Variants in MALRD1 observed in about 807,000 individuals in gnomAD.
The protein encoded by MALRD1 is MAM and LDL receptor class A domain containing 1.
MALRD1 carries 247 observed loss-of-function variants against 242.1 expected under a neutral mutation model. The observed-to-expected ratio is 1.02, with a 90% confidence interval of 0.92 to 1.13. The LOEUF (loss-of-function observed/expected upper bound fraction) is 1.13, where lower values mean the gene tolerates loss of function less well. Among genes scored for constraint, MALRD1 ranks in the 50% most tolerant of loss-of-function variants. The pLI is 0.00. For missense variants in MALRD1, 2,989 were observed against 2,533.1 expected (o/e 1.18, Z -3.86); for synonymous variants, 995 against 866.6 (o/e 1.15, Z -2.60).
intron 14 of MALRD1, among the ~76,000 whole-genome samples, chr10:19,185,337 T>C (rs1390759021): frequency 1.3e-5 from 2 of 152,156 alleles, no homozygotes; most frequent in Non-Finnish European, 2.9e-5. Flanking sequence ...GTCTAAAACC[T>C]ATTTAGTCCA....
intron 32 of MALRD1, among the ~76,000 whole-genome samples, chr10:19,536,020 C>T (rs1342290512): frequency 6.6e-6 from 1 of 152,188 alleles, no homozygotes; most frequent in Non-Finnish European, 1.5e-5. Flanking sequence ...AAATTGTAGA[C>T]TGTGGGAGTA....
At chr10:19,502,407 A>G (rs1028524009) in intron 31 of MALRD1, among the ~76,000 whole-genome samples, 1 of 152,148 alleles carries the variant, frequency 6.6e-6, no homozygotes, top group African/African-American at 2.4e-5. Flanking sequence ...TGATTCTGTA[A>G]TTCTAAAAAT....
At chr10:19,106,508 A>G (rs1292752404) in intron 5 of MALRD1, among the ~76,000 whole-genome samples, 1 of 151,048 alleles carries the variant, frequency 6.6e-6, no homozygotes, top group Admixed American at 6.6e-5. Flanking sequence ...CTCTCATTTT[A>G]TTTGAATCTT....
rs74118859 is a variant in MALRD1 at position 19,202,509 on chromosome 10, A to G, written c.1952-1219A>G. 9.6e-3 allele frequency among the ~76,000 whole-genome samples: 1,464 copies of G among 152,222 alleles called. 26 individuals carry two copies. Among genetic ancestry groups the G allele is most frequent in the African/African-American group, 0.033 (1,381 of 41,532 alleles). ...CTTACAATTAGGTTAAATTCCCTAT[A>G]ATTTTATTATTACATTAAAATGCCC... On this transcript the variant is annotated intron_variant, in intron 14 of 39. Coordinates refer to ENST00000454679, the MANE Select transcript of MALRD1 (RefSeq NM_001142308.3).
At chr10:19,532,712 A>G (rs1416722758) in intron 32 of MALRD1, among the ~76,000 whole-genome samples, 2 of 144,170 alleles carry the variant, frequency 1.4e-5, no homozygotes, top group East Asian at 4.2e-4. Flanking sequence ...AAAAATCTAA[A>G]CATGCAAAGA....
At chr10:19,051,274 A>T (rs891836369) in intron 1 of MALRD1, among the ~76,000 whole-genome samples, 1 of 148,610 alleles carries the variant, frequency 6.7e-6, no homozygotes, top group African/African-American at 2.4e-5. Flanking sequence ...CTTTATAAGG[A>T]TTTACAGTAG....
chr10:19,590,682 T>C (rs759247395), intron 33 of MALRD1, among the ~76,000 whole-genome samples: 4 of 152,158 alleles, frequency 2.6e-5, no homozygotes, highest in Non-Finnish European at 4.4e-5. Context: ...ATAGCAAAAT[T>C]AATACGTGTA....
At chr10:19,426,758 G>A (rs1372010715) in intron 28 of MALRD1, among the ~76,000 whole-genome samples, 5 of 152,150 alleles carry the variant, frequency 3.3e-5, no homozygotes, top group Admixed American at 2.6e-4. Context: ...AGCCGAGATC[G>A]TGCCACTGCA....
chr10:19,338,295 A>T (rs969331628), intron 24 of MALRD1, among the ~76,000 whole-genome samples: 1 of 152,046 alleles, frequency 6.6e-6, no homozygotes, highest in Non-Finnish European at 1.5e-5. Flanking sequence ...GAGTCGTTTC[A>T]TTGCCCTAAA....
chr10:19,116,915 C>T (rs1211484877), intron 5 of MALRD1, among the ~76,000 whole-genome samples: 1 of 151,730 alleles, frequency 6.6e-6, no homozygotes. Context: ...GCCAACATGA[C>T]GAAACCCTAT....
At chr10:19,331,249 AAAAAC>A (rs887971629) in intron 23 of MALRD1, 115 bp from the exon 24 acceptor site, 1 of 914,468 alleles carries the variant, frequency 1.1e-6, no homozygotes. Context: ...AAACAAAAAC[AAAAAC>A]AAAAAAACAA....
chr10:19,664,462 A>G (rs1216351942), intron 36 of MALRD1, among the ~76,000 whole-genome samples: 1 of 151,816 alleles, frequency 6.6e-6, no homozygotes, highest in East Asian at 1.9e-4. Flanking sequence ...TTGCTTTCCT[A>G]GTAATTCTGA....
intron 31 of MALRD1, among the ~76,000 whole-genome samples, chr10:19,501,836 A>G (rs1837986337): frequency 6.6e-6 from 1 of 151,834 alleles, no homozygotes; most frequent in African/African-American, 2.4e-5. Context: ...GTTCGAGACC[A>G]GCCTGGGCAA....
chr10:19,268,253 A>C (rs1840049301), intron 19 of MALRD1, among the ~76,000 whole-genome samples: 1 of 152,156 alleles, frequency 6.6e-6, no homozygotes, highest in Admixed American at 6.5e-5. Context: ...GACAGAAAAA[A>C]AAAAGCACTG....
chr10:19,520,769 A>T (rs565038302), intron 31 of MALRD1, among the ~76,000 whole-genome samples: 139 of 152,216 alleles, frequency 9.1e-4, no homozygotes, highest in African/African-American at 3.3e-3. Flanking sequence ...AACCCTGATT[A>T]TCTACAGCTG....
At position 19,205,098 on chromosome 10, in the gene MALRD1, C is replaced by T. The variant is rs943585647; in HGVS notation, c.2411C>T (p.Ser804Leu). 9 of 1,550,532 alleles carry T rather than the reference C, an allele frequency of 5.8e-6. No individual in the cohort carries two copies. Among genetic ancestry groups the T allele is most frequent in the Middle Eastern group, 1.7e-4 (1 of 6,016 alleles). The change falls in exon 17 of 40, where the codon TCA becomes TTA. Residue 804 changes from serine (S) to leucine (L), a missense_variant. Transcript: ENST00000454679. Reference sequence around the variant, plus strand: ...AGTCTGGGCATTTATGATGGGGTCTCAGCTATTGATGACATCCGATTTGAA... The same window carrying T: ...AGTCTGGGCATTTATGATGGGGTCTTAGCTATTGATGACATCCGATTTGAA... Reference protein sequence around the residue: ...KVSLGIYDGVSAIDDIRFENC... With the variant: ...KVSLGIYDGVLAIDDIRFENC...
rs564263043 is a variant in MALRD1 at position 19,708,711 on chromosome 10, G to A, written c.6314+16157G>A. Among the ~76,000 whole-genome samples, 5 of 121,218 alleles carry A rather than the reference G, an allele frequency of 4.1e-5. 1 individual carries two copies. The South Asian group carries it at 9.5e-4, about 23-fold the overall frequency. 79.5% of individuals were successfully genotyped at this position (121,218 alleles called of 152,430 possible). A position where few individuals can be genotyped will look rare whatever the true frequency, so the allele number is the denominator to read the frequency against. On this transcript the variant is annotated intron_variant, in intron 38 of 39. Coordinates refer to ENST00000454679, the MANE Select transcript of MALRD1 (RefSeq NM_001142308.3). ...GAGCCTCGCATTGTCACCCAGGCTGGAGTGCAGAGGCACGATCTCGGCTCA... is the reference window on the plus strand; with the variant it reads ...GAGCCTCGCATTGTCACCCAGGCTGAAGTGCAGAGGCACGATCTCGGCTCA...
intron 21 of MALRD1, among the ~76,000 whole-genome samples, chr10:19,292,906 A>C (rs1006419962): frequency 1.8e-4 from 27 of 151,866 alleles, no homozygotes; most frequent in African/African-American, 6.5e-4. Flanking sequence ...AAAAAAAAAA[A>C]AAAAAAAAAT....
chr10:19,297,425 C>G (rs1365018537), intron 21 of MALRD1, among the ~76,000 whole-genome samples: 2 of 151,602 alleles, frequency 1.3e-5, no homozygotes, highest in African/African-American at 4.8e-5. Flanking sequence ...AATATTTAGA[C>G]ATTTTATTAG....
Sources: gnomAD v4.1 joint callset for allele counts (sites outside exome capture counted in the v4.1 genomes callset) on GRCh38, gnomAD v4.1.1 for gene constraint, MANE v1.5 for transcripts, NCBI Gene and HGNC (gene_info 2026-07-23, HGNC 2026-07-21) for gene names.